The following ZFAT variants were observed in gnomAD, a reference collection of about 807,000 sequenced individuals.
The protein encoded by ZFAT is zinc finger and AT-hook domain containing, also known as zinc finger protein ZFAT.
ZFAT carries 64 observed loss-of-function variants against 117.7 expected under a neutral mutation model. The ratio of observed to expected loss-of-function variants is 0.54; its 90% CI spans 0.44 to 0.67. The LOEUF (loss-of-function observed/expected upper bound fraction) is 0.67. ZFAT is among the 30% of genes least tolerant of loss of function. ZFAT has a pLI of 0.00. For missense variants in ZFAT, 1,433 were observed against 1,584.5 expected, an observed-to-expected ratio of 0.90 and a Z score of 1.62; for synonymous variants, 679 against 615.0, an observed-to-expected ratio of 1.10 and a Z score of -1.54.
the ZFAT span, chr8:134,724,069 G>A: frequency 6.6e-6 from 1 of 152,386 alleles, no homozygotes; most frequent in African/African-American, 2.4e-5. Flanking sequence ...TTAGGAGTCA[G>A]GGGTGGCATT....
At chr8:134,677,218 G>C (rs1832848634) in intron 1 of ZFAT, among the ~76,000 whole-genome samples, 1 of 152,104 alleles carries the variant, frequency 6.6e-6, no homozygotes, top group Non-Finnish European at 1.5e-5. Context: ...AAGAAGAAAA[G>C]AGAGAAGAAA....
chr8:134,668,972 C>T (rs954314481), intron 1 of ZFAT, among the ~76,000 whole-genome samples: 10 of 151,912 alleles, frequency 6.6e-5, no homozygotes, highest in Non-Finnish European at 1.5e-4. Flanking sequence ...TTTCAGTAGC[C>T]GATTCGATCA....
chr8:134,569,555 G>A (rs553812964), intron 10 of ZFAT, among the ~76,000 whole-genome samples: 139 of 152,192 alleles, frequency 9.1e-4, no homozygotes, highest in African/African-American at 3.1e-3. Flanking sequence ...TTCTCTTTCT[G>A]GCCCTGTCCT....
intron 4 of ZFAT, among the ~76,000 whole-genome samples, chr8:134,609,997 A>G (rs1828200220): frequency 6.6e-6 from 1 of 152,344 alleles, no homozygotes; most frequent in Non-Finnish European, 1.5e-5. Flanking sequence ...GTCAGTTTAC[A>G]TCTTTTCTAT....
At chr8:134,660,536 C>T (rs1056192051) in intron 1 of ZFAT, among the ~76,000 whole-genome samples, 18 of 152,230 alleles carry the variant, frequency 1.2e-4, no homozygotes, top group African/African-American at 4.3e-4. Context: ...GAGGCCACCA[C>T]ATCACTGAAC....
At position 134,584,011 on chromosome 8, in the gene ZFAT, A is replaced by G. The variant is rs922540744; in HGVS notation, c.2714-6T>C. 1.2e-5 allele frequency: 19 copies of G among 1,552,026 alleles called. No homozygotes were observed. The highest frequency in any genetic ancestry group is 2.0e-5 in the Admixed American group (1 of 50,964). Reference sequence around the variant, plus strand: ...ACACTTGAAGGGCTTCACACCTGCCAAGGGAAAAATGTATATATCTCTATA... The same window carrying G: ...ACACTTGAAGGGCTTCACACCTGCCGAGGGAAAAATGTATATATCTCTATA... On this transcript the variant is annotated splice_polypyrimidine_tract_variant and splice_region_variant and intron_variant, in intron 9 of 15. Transcript: ENST00000377838.
chr8:134,490,876 C>T lies in ZFAT; in HGVS notation c.3493-12155G>A, dbSNP rs555417193. 5.3e-5 allele frequency among the ~76,000 whole-genome samples: 8 copies of T among 152,288 alleles called. No individual in the cohort carries two copies. In the South Asian group the frequency reaches 8.3e-4, roughly 16 times the overall value. On this transcript the variant is annotated intron_variant, in intron 15 of 15. Coordinates refer to ENST00000377838, the MANE Select transcript of ZFAT (RefSeq NM_020863.4). Reference sequence around the variant, plus strand: ...GAGGGTCTGGAGAAGAAACCCAAGCCGGTGTCTTGGCCTCCTGTCTGCCTT... The same window carrying T: ...GAGGGTCTGGAGAAGAAACCCAAGCTGGTGTCTTGGCCTCCTGTCTGCCTT...
chr8:134,495,020 C>A (rs960994310), intron 15 of ZFAT, among the ~76,000 whole-genome samples: 1 of 152,180 alleles, frequency 6.6e-6, no homozygotes, highest in Admixed American at 6.5e-5. Context: ...CTTAATTCGA[C>A]TCTCTTTTGG....
the ZFAT span, among the ~76,000 whole-genome samples, chr8:134,825,142 C>A: frequency 2.0e-5 from 3 of 152,154 alleles, no homozygotes; most frequent in South Asian, 2.1e-4. Flanking sequence ...ATATTCCCAG[C>A]AATAACATGT....
intron 1 of ZFAT, among the ~76,000 whole-genome samples, chr8:134,681,719 TGAGGA>T (rs1045254182): frequency 6.6e-6 from 1 of 152,196 alleles, no homozygotes; most frequent in African/African-American, 2.4e-5. Flanking sequence ...ATCTATCTTA[TGAGGA>T]GAGGAGTAGG....
At chr8:134,522,206 A>G (rs1342217982) in intron 12 of ZFAT, among the ~76,000 whole-genome samples, 4 of 152,202 alleles carry the variant, frequency 2.6e-5, no homozygotes, top group African/African-American at 7.2e-5. Context: ...CAGGGCAGCA[A>G]TGCCACCTCC....
the ZFAT span, among the ~76,000 whole-genome samples, chr8:134,753,150 G>A: frequency 6.6e-6 from 1 of 152,082 alleles, no homozygotes; most frequent in African/African-American, 2.4e-5. Context: ...ACAATGAGGT[G>A]TGATCGCACC....
chr8:134,506,558 A>G (rs1347700640), intron 15 of ZFAT, among the ~76,000 whole-genome samples: 1 of 152,170 alleles, frequency 6.6e-6, no homozygotes, highest in East Asian at 1.9e-4. Context: ...TCTCTCCAAC[A>G]CTGCCAGCCC....
chr8:134,562,120 A>G (rs1824095651), intron 11 of ZFAT, among the ~76,000 whole-genome samples: 1 of 152,194 alleles, frequency 6.6e-6, no homozygotes, highest in Non-Finnish European at 1.5e-5. Context: ...AGAGTCAGAG[A>G]AGGAGACATG....
intron 9 of ZFAT, 133 bp from the exon 10 acceptor site, chr8:134,584,138 A>G: frequency 1.0e-6 from 1 of 1,004,466 alleles, no homozygotes; most frequent in Non-Finnish European, 1.4e-6. Context: ...CGTTTTGAAC[A>G]CAGCAGTATA....
chr8:134,544,831 G>A (rs1358914188), intron 11 of ZFAT, among the ~76,000 whole-genome samples: 1 of 152,142 alleles, frequency 6.6e-6, no homozygotes. Context: ...CCAAGATATG[G>A]ACCAAGAGAG....
At chr8:134,554,109 A>T (rs1209188606) in intron 11 of ZFAT, among the ~76,000 whole-genome samples, 1 of 152,192 alleles carries the variant, frequency 6.6e-6, no homozygotes, top group African/African-American at 2.4e-5. Context: ...ACCCACCCAG[A>T]TTACTCACAT....
rs767699999 is a variant in ZFAT at position 134,602,429 on chromosome 8, C to T, written c.1290G>A (p.Trp430Ter). The change falls in exon 6 of 16, where the codon TGG becomes TGA. Residue 430 changes from tryptophan to a stop codon, truncating the protein, a stop_gained. Transcript: ENST00000377838. LOFTEE classifies it high-confidence loss of function. ...GGCCACAGAGCTCACAGGCAAAAGG[C>T]CACTTGTCTCCGTGGACCAGCATAT... ...DRHMLVHGDK[W>*]PFACELCGHG... 2 of 1,613,952 alleles carry T rather than the reference C, an allele frequency of 1.2e-6. No homozygotes were observed. The highest frequency in any genetic ancestry group is 1.7e-6 in the Non-Finnish European group (2 of 1,180,010).
At chr8:134,759,737 C>A in the ZFAT span, among the ~76,000 whole-genome samples, 58,552 of 151,620 alleles carry the variant, frequency 0.39, 11,350 homozygotes, top group Admixed American at 0.46. Flanking sequence ...GAAATTTGGG[C>A]GGCTGAGGCA....
Sources: gnomAD v4.1 joint callset for allele counts (sites outside exome capture counted in the v4.1 genomes callset) on GRCh38, gnomAD v4.1.1 for gene constraint, MANE v1.5 for transcripts, NCBI Gene and HGNC (gene_info 2026-07-23, HGNC 2026-07-21) for gene names.